Variants in FRK observed in about 807,000 individuals in gnomAD.
FRK encodes fyn related Src family tyrosine kinase.
In FRK, 51 loss-of-function variants were observed where a neutral mutation model predicts 56.4. The ratio of observed to expected loss-of-function variants is 0.90; its 90% CI spans 0.72 to 1.14. The LOEUF (loss-of-function observed/expected upper bound fraction) is 1.14. Ranked by LOEUF, FRK falls within the 50% of genes most tolerant of loss-of-function variation. The pLI is 0.00. For missense variants in FRK, 570 were observed against 601.4 expected, an observed-to-expected ratio of 0.95 and a Z score of 0.55; for synonymous variants, 245 against 217.9, an observed-to-expected ratio of 1.12 and a Z score of -1.10.
rs1471965343 is a variant in FRK at position 115,932,130 on chromosome 6, T to G, written c.*10284A>C. 1 of 152,110 alleles carries G rather than the reference T, an allele frequency of 6.6e-6. No homozygotes were observed. Among genetic ancestry groups the G allele is most frequent in the Non-Finnish European group, 1.5e-5 (1 of 68,024 alleles). 9.4% of individuals were successfully genotyped at this position (152,110 alleles called of 1,614,324 possible). ...GTAGATAGTGTCATCTGAATGTAGA[T>G]TGAAGCTAAACTTGTTAAGGCTTTT... is the stretch of plus-strand genomic sequence containing the variant. On this transcript the variant is annotated 3_prime_UTR_variant, in exon 8 of 8. Coordinates refer to ENST00000606080, the MANE Select transcript of FRK (RefSeq NM_002031.3).
chr6:115,985,610 T>C (rs1277533059), intron 2 of FRK, among the ~76,000 whole-genome samples: 1 of 152,148 alleles, frequency 6.6e-6, no homozygotes, highest in Non-Finnish European at 1.5e-5. Flanking sequence ...AGCTACTCCA[T>C]GACGCAGTTA....
At chr6:115,958,688 G>GA (rs1382067710) in intron 4 of FRK, among the ~76,000 whole-genome samples, 4 of 10,782 alleles carry the variant, frequency 3.7e-4, no homozygotes, top group Non-Finnish European at 9.1e-4. Context: ...AAGAAAGAAA[G>GA]AAAGAAAGAA....
At chr6:116,045,921 A>G (rs1369682671) in intron 1 of FRK, among the ~76,000 whole-genome samples, 2 of 152,238 alleles carry the variant, frequency 1.3e-5, no homozygotes, top group African/African-American at 4.8e-5. Flanking sequence ...TCCAGAATCT[A>G]CAAGGAACTT....
At chr6:115,951,131 C>A (rs1049815426) in intron 5 of FRK, among the ~76,000 whole-genome samples, 8 of 152,034 alleles carry the variant, frequency 5.3e-5, no homozygotes, top group African/African-American at 1.7e-4. Flanking sequence ...AACAGAACTG[C>A]ATGTTCTACA....
At chr6:116,092,903 C>T in the FRK span, among the ~76,000 whole-genome samples, 1 of 152,118 alleles carries the variant, frequency 6.6e-6, no homozygotes, top group Non-Finnish European at 1.5e-5. Context: ...ACCCACAAAC[C>T]CTGAAAAAGA....
intron 1 of FRK, among the ~76,000 whole-genome samples, chr6:116,054,110 G>C (rs963962243): frequency 3.3e-5 from 5 of 151,458 alleles, no homozygotes; most frequent in East Asian, 1.9e-4. Context: ...ATAACAAATT[G>C]AGTTAGTTAT....
At chr6:115,999,098 C>G (rs1344660225) in intron 2 of FRK, among the ~76,000 whole-genome samples, 1 of 152,008 alleles carries the variant, frequency 6.6e-6, no homozygotes, top group Admixed American at 6.6e-5. Context: ...TATAGAATAC[C>G]AACCAGTAAA....
upstream of FRK, among the ~76,000 whole-genome samples, chr6:116,062,240 G>A (rs546995732): frequency 6.6e-6 from 1 of 152,112 alleles, no homozygotes; most frequent in Non-Finnish European, 1.5e-5. Context: ...AATTTTTGTT[G>A]TTGCTGTTGT....
intron 2 of FRK, chr6:116,002,654 A>G (rs957381365): frequency 6.6e-6 from 3 of 453,704 alleles, no homozygotes; most frequent in Admixed American, 4.7e-5. Flanking sequence ...TCACATTTCA[A>G]GAGTAACTGT....
At chr6:116,100,697 T>A in the FRK span, among the ~76,000 whole-genome samples, 2 of 152,122 alleles carry the variant, frequency 1.3e-5, no homozygotes, top group African/African-American at 4.8e-5. Flanking sequence ...GGACGCGAGC[T>A]GACTACCTGA....
At chr6:115,960,062 C>T (rs907966362) in intron 4 of FRK, among the ~76,000 whole-genome samples, 2 of 152,114 alleles carry the variant, frequency 1.3e-5, no homozygotes, top group Non-Finnish European at 2.9e-5. Context: ...CGAATAGGAA[C>T]AGCTCCTGTC....
chr6:115,936,628 A>G lies in FRK; in HGVS notation c.*5786T>C, dbSNP rs1304865065. Reference sequence around the variant, plus strand: ...TAGAATAACAAGTATAGAGAAGCACATAAATGACCTGATGGAGCTGAAAAA... The same window carrying G: ...TAGAATAACAAGTATAGAGAAGCACGTAAATGACCTGATGGAGCTGAAAAA... On this transcript the variant is annotated 3_prime_UTR_variant, in exon 8 of 8. Transcript: ENST00000606080. 1 of 152,258 alleles carries G rather than the reference A, an allele frequency of 6.6e-6. No homozygotes were observed. The highest frequency in any genetic ancestry group is 6.5e-5 in the Admixed American group (1 of 15,280). The allele number at this position is 152,258 out of a possible 1,614,324, so 9.4% of individuals were successfully genotyped here.
chr6:115,967,937 C>T (rs1398206488), intron 3 of FRK, among the ~76,000 whole-genome samples: 3 of 152,022 alleles, frequency 2.0e-5, no homozygotes, highest in African/African-American at 7.2e-5. Context: ...AGTCAGGCAC[C>T]TCGTTGTCTA....
At chr6:116,091,659 C>A in the FRK span, among the ~76,000 whole-genome samples, 1 of 152,110 alleles carries the variant, frequency 6.6e-6, no homozygotes, top group East Asian at 1.9e-4. Context: ...CCTTAGAATT[C>A]GGGGGCTAAA....
chr6:116,039,388 G>A, intron 1 of FRK: 2 of 1,555,384 alleles, frequency 1.3e-6, no homozygotes, highest in Non-Finnish European at 1.8e-6. Context: ...CTCTGTGATG[G>A]GGGCAACCTG....
At position 115,942,301 on chromosome 6, in the gene FRK, A is replaced by T; in HGVS notation, c.*113T>A. 1.2e-6 allele frequency: 1 copy of T among 865,042 alleles called. No individual in the cohort carries two copies. The highest frequency in any genetic ancestry group is 1.7e-5 in the African/African-American group (1 of 59,324). The allele number at this position is 865,042 out of a possible 1,614,324, so 53.6% of individuals were successfully genotyped here. On this transcript the variant is annotated 3_prime_UTR_variant, in exon 8 of 8. Transcript: ENST00000606080. Reference sequence around the variant, plus strand: ...AATACATGGCCAACTTTATCCTATCACTTGAATATGTCAGGATAAACTGAT... The same window carrying T: ...AATACATGGCCAACTTTATCCTATCTCTTGAATATGTCAGGATAAACTGAT...
chr6:115,981,420 T>C (rs986698277), intron 2 of FRK, among the ~76,000 whole-genome samples: 1 of 152,096 alleles, frequency 6.6e-6, no homozygotes. Flanking sequence ...TGAGTGATAG[T>C]AGAAACAATA....
intron 2 of FRK, among the ~76,000 whole-genome samples, chr6:116,000,768 A>G (rs759078914): frequency 6.6e-6 from 1 of 152,188 alleles, no homozygotes; most frequent in Non-Finnish European, 1.5e-5. Context: ...ATATTCAACT[A>G]TTTATCTGTA....
Position 115,950,877 on chromosome 6 carries a change from G to A in FRK, c.958+5575C>T, listed in dbSNP as rs1772716460. ...AGTTCATGTCCTTTGCAGGAACATG[G>A]ATGAAGCTGGAAACCATCATTCTCA... On this transcript the variant is annotated intron_variant, in intron 5 of 7. Coordinates refer to ENST00000606080, the MANE Select transcript of FRK (RefSeq NM_002031.3). 2.0e-5 allele frequency among the ~76,000 whole-genome samples: 3 copies of A among 152,304 alleles called. No individual in the cohort carries two copies. The South Asian group carries it at 6.2e-4, about 32-fold the overall frequency.
Sources: allele counts gnomAD v4.1 joint callset (sites outside exome capture counted in the v4.1 genomes callset), GRCh38; gene constraint gnomAD v4.1.1; transcripts MANE v1.5; gene names NCBI Gene and HGNC (gene_info 2026-07-23, HGNC 2026-07-21).